Variants in GTF2IRD1 observed in about 807,000 individuals in gnomAD.
The protein encoded by GTF2IRD1 is general transcription factor II-I repeat domain-containing protein 1.
A neutral mutation model predicts 113.2 loss-of-function variants in GTF2IRD1; 26 were observed. The observed-to-expected ratio is 0.23, with a 90% CI of 0.17 to 0.32. GTF2IRD1 has a LOEUF of 0.32. GTF2IRD1 is among the 10% of genes least tolerant of loss of function. The pLI, the probability that GTF2IRD1 is intolerant of heterozygous loss-of-function variation, is 1.00. For missense variants in GTF2IRD1, 864 were observed against 1,280.8 expected (o/e 0.67, Z 4.97); for synonymous variants, 484 against 529.1 (o/e 0.91, Z 1.17).
At chr7:74,454,545 G>C (rs946428116) in intron 1 of GTF2IRD1, among the ~76,000 whole-genome samples, 2 of 151,802 alleles carry the variant, frequency 1.3e-5, no homozygotes, top group Admixed American at 6.6e-5. Flanking sequence ...GCGGGCGCCG[G>C]GGTGGGAGCA....
At chr7:74,475,533 G>A (rs1281924033) in intron 1 of GTF2IRD1, among the ~76,000 whole-genome samples, 1 of 152,280 alleles carries the variant, frequency 6.6e-6, no homozygotes, top group East Asian at 1.9e-4. Flanking sequence ...ATCTGTTGCT[G>A]TACCCTAGGG....
chr7:74,581,986 A>G (rs1801445678), intron 22 of GTF2IRD1, among the ~76,000 whole-genome samples: 1 of 152,204 alleles, frequency 6.6e-6, no homozygotes, highest in Non-Finnish European at 1.5e-5. Flanking sequence ...CAGCCTGGGC[A>G]ACAGAGCCAG....
intron 21 of GTF2IRD1, 96 bp downstream of exon 21, chr7:74,559,140 C>T (rs1308864699): frequency 1.7e-6 from 2 of 1,162,260 alleles, no homozygotes; most frequent in Non-Finnish European, 1.2e-6. Flanking sequence ...TCCTGCCCTC[C>T]CCCCTGGACA....
chr7:74,519,342 C>G, intron 5 of GTF2IRD1, 67 bp from the exon 6 acceptor site: 2 of 1,178,108 alleles, frequency 1.7e-6, no homozygotes, highest in East Asian at 5.2e-5. Context: ...GCGGGGTTTT[C>G]GGGGGAAGAG....
intron 24 of GTF2IRD1, 22 bp downstream of exon 24, chr7:74,591,039 C>G (rs372469293): frequency 6.3e-7 from 1 of 1,578,256 alleles, no homozygotes; most frequent in Non-Finnish European, 8.7e-7. Flanking sequence ...GCCTCTGGAA[C>G]GGGGAACAGA....
At chr7:74,503,562 A>C (rs781820307) in intron 1 of GTF2IRD1, among the ~76,000 whole-genome samples, 1 of 152,188 alleles carries the variant, frequency 6.6e-6, no homozygotes, top group Non-Finnish European at 1.5e-5. Flanking sequence ...CAGTCTGGCC[A>C]ACATGGGGAA....
chr7:74,558,103 A>G (rs1315425964), intron 20 of GTF2IRD1, among the ~76,000 whole-genome samples: 2 of 151,854 alleles, frequency 1.3e-5, no homozygotes, highest in Admixed American at 6.6e-5. Flanking sequence ...GCAAAACCCC[A>G]TCTCTACCAA....
chr7:74,568,965 C>T (rs1265754395), intron 22 of GTF2IRD1, among the ~76,000 whole-genome samples: 7 of 152,156 alleles, frequency 4.6e-5, no homozygotes, highest in African/African-American at 9.7e-5. Flanking sequence ...ACTTGGATGA[C>T]GCATCTGTGC....
At chr7:74,523,451 G>A (rs1797407786) in intron 7 of GTF2IRD1, among the ~76,000 whole-genome samples, 1 of 152,174 alleles carries the variant, frequency 6.6e-6, no homozygotes, top group Non-Finnish European at 1.5e-5. Flanking sequence ...CGGACTTGGT[G>A]GCTCACACCT....
At chr7:74,480,800 T>C (rs1794697942) in intron 1 of GTF2IRD1, among the ~76,000 whole-genome samples, 2 of 152,126 alleles carry the variant, frequency 1.3e-5, no homozygotes, top group African/African-American at 2.4e-5. Flanking sequence ...TGGAGAAACC[T>C]GAGTTTGGGG....
chr7:74,500,444 A>C (rs993390207), intron 1 of GTF2IRD1, among the ~76,000 whole-genome samples: 38 of 151,942 alleles, frequency 2.5e-4, no homozygotes, highest in Non-Finnish European at 4.9e-4. Context: ...AAAAAGAAAA[A>C]AAATTTGGTG....
At chr7:74,480,780 G>A (rs1584487134) in intron 1 of GTF2IRD1, among the ~76,000 whole-genome samples, 1 of 152,202 alleles carries the variant, frequency 6.6e-6, no homozygotes, top group South Asian at 2.1e-4. Context: ...CCCGGGGGAC[G>A]GGAGAGAAAT....
At chr7:74,559,946 T>A (rs1199938969) in intron 22 of GTF2IRD1, among the ~76,000 whole-genome samples, 1 of 152,138 alleles carries the variant, frequency 6.6e-6, no homozygotes, top group Non-Finnish European at 1.5e-5. Context: ...TACCTGGCTA[T>A]TTTTTGTATT....
At chr7:74,480,072 G>A (rs1423943891) in intron 1 of GTF2IRD1, among the ~76,000 whole-genome samples, 2 of 151,840 alleles carry the variant, frequency 1.3e-5, no homozygotes, top group Non-Finnish European at 2.9e-5. Flanking sequence ...TAAGCATCCC[G>A]TGTGATGAAT....
chr7:74,510,061 G>A (rs1426443564), intron 2 of GTF2IRD1, among the ~76,000 whole-genome samples: 1 of 152,128 alleles, frequency 6.6e-6, no homozygotes, highest in East Asian at 1.9e-4. Context: ...CCTGCTGTAG[G>A]TGGCTCAAGG....
intron 9 of GTF2IRD1, among the ~76,000 whole-genome samples, chr7:74,530,804 G>T (rs928899959): frequency 1.3e-5 from 2 of 152,014 alleles, no homozygotes; most frequent in African/African-American, 4.8e-5. Flanking sequence ...AGACATTTCC[G>T]ACCTGGGCGT....
chr7:74,456,576 G>A (rs956048380), intron 1 of GTF2IRD1, among the ~76,000 whole-genome samples: 2 of 151,928 alleles, frequency 1.3e-5, no homozygotes, highest in Non-Finnish European at 2.9e-5. Context: ...CCAGCTGCTC[G>A]GGAGGCTGAG....
chr7:74,591,136 C>T (rs185432297), intron 24 of GTF2IRD1, 119 bp downstream of exon 24: 15 of 536,282 alleles, frequency 2.8e-5, no homozygotes, highest in Admixed American at 2.7e-4. Context: ...TAGTTCCTGC[C>T]TCTTTCTCCT....
rs1346088112 is a variant in GTF2IRD1 at position 74,602,430 on chromosome 7, C to G, written c.2832C>G (p.Tyr944Ter). ...LNVQLPGPLN[Y>*] ...TGCAGCTCCCGGGACCTCTTAATTACTAGACCTCAGTACTGAATCAGGACC... is the reference window on the plus strand; with the variant it reads ...TGCAGCTCCCGGGACCTCTTAATTAGTAGACCTCAGTACTGAATCAGGACC... The change falls in exon 27 of 27, where the codon TAC becomes TAG. Residue 944 changes from tyrosine to a stop codon, truncating the protein, a stop_gained. Coordinates refer to ENST00000424337, the MANE Select transcript of GTF2IRD1 (RefSeq NM_005685.4). LOFTEE classifies it high-confidence loss of function. The G allele has an allele frequency of 3.7e-6, 6 of 1,612,468 alleles. No homozygotes were observed. Among genetic ancestry groups the G allele is most frequent in the Non-Finnish European group, 5.1e-6 (6 of 1,178,656 alleles).
Sources: allele counts gnomAD v4.1 joint callset (sites outside exome capture counted in the v4.1 genomes callset), GRCh38; gene constraint gnomAD v4.1.1; transcripts MANE v1.5; gene names NCBI Gene and HGNC (gene_info 2026-07-23, HGNC 2026-07-21).